STAM: variants seen among roughly 807,000 people sequenced by gnomAD.
STAM encodes signal transducing adapter molecule 1.
Under a neutral mutation model 63.4 loss-of-function variants are expected in STAM, and 16 were observed. The ratio of observed to expected loss-of-function variants is 0.25; its 90% CI spans 0.17 to 0.38. STAM has a LOEUF of 0.38. STAM is among the 10% of genes least tolerant of loss of function. The pLI is 1.00. For synonymous variants in STAM, 238 were observed against 223.9 expected (o/e 1.06, Z -0.56); for missense variants, 636 against 657.1 (o/e 0.97, Z 0.35).
intron 2 of STAM, among the ~76,000 whole-genome samples, chr10:17,681,478 C>A (rs1219424937): frequency 6.6e-6 from 1 of 151,880 alleles, no homozygotes; most frequent in Non-Finnish European, 1.5e-5. Context: ...TCTGTAGAGA[C>A]TTGTTTTATG....
Position 17,702,860 on chromosome 10 carries a change from T to C in STAM, c.913-1571T>C, listed in dbSNP as rs531077059. ...CCGTCTCTACTAAAAATACAAAGAT[T>C]CGCTGGACGTGGTGGTGTGCGCTTG... is the stretch of plus-strand genomic sequence containing the variant. On this transcript the variant is annotated intron_variant, in intron 9 of 13. Transcript: ENST00000377524. Among the ~76,000 whole-genome samples the C allele has an allele frequency of 3.3e-5, 5 of 152,088 alleles. No individual in the cohort carries two copies. In the South Asian group the frequency reaches 1.0e-3, roughly 31 times the overall value.
intron 9 of STAM, among the ~76,000 whole-genome samples, chr10:17,700,695 T>A (rs932293143): frequency 2.6e-5 from 4 of 152,124 alleles, no homozygotes; most frequent in African/African-American, 9.7e-5. Flanking sequence ...ATAGATAATG[T>A]CAAATTGTTG....
chr10:17,678,838 T>A (rs1229021412), intron 2 of STAM, among the ~76,000 whole-genome samples: 3 of 152,176 alleles, frequency 2.0e-5, no homozygotes, highest in Non-Finnish European at 2.9e-5. Context: ...CTTTATGAAT[T>A]TGTCTATTCT....
rs545861882 is a variant in STAM, at chr10:17,695,143, T to C, written c.630T>C (p.His210=). 3 of 1,614,104 alleles carry C rather than the reference T, an allele frequency of 1.9e-6. No individual in the cohort carries two copies. The highest frequency in any genetic ancestry group is 2.2e-5 in the South Asian group (2 of 91,080). ...STSSLLTNHQ[H]EGRKVRAIYD... The stretch of plus-strand genomic sequence containing the variant: ...CCAGTCTCTTAACTAACCACCAACA[T>C]GAAGGCCGAAAAGTTCGTGCTATAT... Residue 210 remains histidine, a synonymous_variant, in exon 7 of 14, where the codon CAT becomes CAC. Coordinates refer to ENST00000377524, the MANE Select transcript of STAM (RefSeq NM_003473.4).
intron 2 of STAM, among the ~76,000 whole-genome samples, chr10:17,670,032 G>C (rs139029759): frequency 6.6e-6 from 1 of 151,990 alleles, no homozygotes; most frequent in East Asian, 1.9e-4. Context: ...GCCCAGCTGG[G>C]AATTTCCCTT....
intron 5 of STAM, among the ~76,000 whole-genome samples, chr10:17,690,173 G>A (rs1835469817): frequency 6.6e-6 from 1 of 152,180 alleles, no homozygotes; most frequent in Admixed American, 6.5e-5. Context: ...TAGAACACAG[G>A]CATGCTGATT....
At chr10:17,680,120 T>A (rs1835021324) in intron 2 of STAM, among the ~76,000 whole-genome samples, 1 of 152,202 alleles carries the variant, frequency 6.6e-6, no homozygotes, top group South Asian at 2.1e-4. Flanking sequence ...CTTTGCTTGC[T>A]TTGGGTTTCC....
intron 13 of STAM, among the ~76,000 whole-genome samples, chr10:17,710,099 A>T (rs569529314): frequency 1.8e-4 from 27 of 151,980 alleles, no homozygotes; most frequent in Admixed American, 8.5e-4. Context: ...AGAAGACACT[A>T]GGGTTCCTGA....
intron 5 of STAM, among the ~76,000 whole-genome samples, chr10:17,690,980 A>G (rs1280352141): frequency 6.6e-6 from 1 of 152,216 alleles, no homozygotes; most frequent in Admixed American, 6.5e-5. Context: ...CTCTACTGGT[A>G]GAGATTTCTT....
rs566874224 is a variant in STAM, at chr10:17,687,346, G to A, written c.298-681G>A. Among the ~76,000 whole-genome samples the A allele has an allele frequency of 2.6e-5, 4 of 152,118 alleles. 1 individual carries two copies. The highest frequency in any genetic ancestry group is 7.2e-5 in the African/African-American group (3 of 41,498). Reference sequence around the variant, plus strand: ...AAAAATTAGCTGGGCATGGTGGTGCGCGCCTGTAATCCTACTCGGGAGGTT... The same window carrying A: ...AAAAATTAGCTGGGCATGGTGGTGCACGCCTGTAATCCTACTCGGGAGGTT... On this transcript the variant is annotated intron_variant, in intron 4 of 13. Coordinates refer to ENST00000377524, the MANE Select transcript of STAM (RefSeq NM_003473.4).
chr10:17,650,254 GT>G (rs199991053), intron 1 of STAM, among the ~76,000 whole-genome samples: 2,888 of 152,320 alleles, frequency 0.019, 29 homozygotes, highest in Middle Eastern at 0.027. Context: ...ACAATGTATA[GT>G]TGGATAGGTA....
At chr10:17,687,443 C>G (rs782792530) in intron 4 of STAM, among the ~76,000 whole-genome samples, 1 of 151,882 alleles carries the variant, frequency 6.6e-6, no homozygotes, top group South Asian at 2.1e-4. Context: ...GTGCTGAGAT[C>G]GAGCCACTGC....
chr10:17,665,352 A>G (rs927022504), intron 2 of STAM, among the ~76,000 whole-genome samples: 1 of 152,218 alleles, frequency 6.6e-6, no homozygotes, highest in South Asian at 2.1e-4. Flanking sequence ...ATTTAAAAAG[A>G]TGGACATTGA....
chr10:17,679,539 A>G (rs1240678288), intron 2 of STAM, among the ~76,000 whole-genome samples: 1 of 150,508 alleles, frequency 6.6e-6, no homozygotes, highest in African/African-American at 2.4e-5. Flanking sequence ...GTATCCCTTA[A>G]TGCACAAAAA....
chr10:17,645,168 T>C (rs782818072), intron 1 of STAM, among the ~76,000 whole-genome samples: 6 of 152,342 alleles, frequency 3.9e-5, no homozygotes, highest in Non-Finnish European at 7.4e-5. Context: ...ATAATAATTA[T>C]GGGAATTTGA....
intron 2 of STAM, among the ~76,000 whole-genome samples, chr10:17,676,808 C>T (rs189954413): frequency 2.0e-5 from 3 of 152,024 alleles, no homozygotes; most frequent in East Asian, 1.9e-4. Flanking sequence ...AGTATACTCA[C>T]GTTAAATTCA....
intron 12 of STAM, among the ~76,000 whole-genome samples, chr10:17,706,016 C>T (rs1427740273): frequency 1.1e-4 from 16 of 151,950 alleles, no homozygotes; most frequent in African/African-American, 2.4e-4. Flanking sequence ...TGCAGTGAGC[C>T]GTGTTCACAC....
chr10:17,704,576 T>A, intron 10 of STAM, 58 bp downstream of exon 10: 3 of 1,389,792 alleles, frequency 2.2e-6, no homozygotes, highest in Non-Finnish European at 2.0e-6. Flanking sequence ...ATAACTGGTG[T>A]CCTGTTAAAG....
chr10:17,692,273 A>T (rs549363924), intron 5 of STAM, among the ~76,000 whole-genome samples: 13 of 152,222 alleles, frequency 8.5e-5, no homozygotes, highest in Non-Finnish European at 1.9e-4. Flanking sequence ...AGGTGTTATC[A>T]TAATAACAAA....
Sources: gnomAD v4.1 joint callset for allele counts (sites outside exome capture counted in the v4.1 genomes callset) on GRCh38, gnomAD v4.1.1 for gene constraint, MANE v1.5 for transcripts, NCBI Gene and HGNC (gene_info 2026-07-23, HGNC 2026-07-21) for gene names.